Variants in COL16A1 observed in about 807,000 individuals in gnomAD.
COL16A1 encodes collagen type XVI alpha 1 chain.
COL16A1 carries 189 observed loss-of-function variants against 266.3 expected under a neutral mutation model. The observed-to-expected ratio is 0.71, with a 90% CI of 0.63 to 0.80. COL16A1 has a LOEUF of 0.80. COL16A1 is among the 30% of genes least tolerant of loss of function. COL16A1 has a pLI of 0.00. For synonymous variants in COL16A1, 740 were observed against 782.3 expected, an observed-to-expected ratio of 0.95 and a Z score of 0.90; for missense variants, 1,928 against 2,122.4, an observed-to-expected ratio of 0.91 and a Z score of 1.80.
At chr1:31,661,836 A>G in intron 58 of COL16A1, 132 bp from the exon 59 acceptor site, 5 of 983,946 alleles carry the variant, frequency 5.1e-6, no homozygotes, top group Non-Finnish European at 5.9e-6. Flanking sequence ...AGCCTGGCTC[A>G]GCCTCTGACT....
In COL16A1 at chr1:31,665,227, G is replaced by A. The variant is rs771347253; in HGVS notation, c.3500C>T (p.Pro1167Leu). Residue 1167 changes from proline (P) to leucine (L), a missense_variant, in exon 56 of 71, where the codon CCT becomes CTT. This residue lies in a region of COL16A1 where 1,552 missense variants were observed against 1,637.2 expected (regional missense o/e 0.95). Coordinates refer to ENST00000373672, the MANE Select transcript of COL16A1 (RefSeq NM_001856.4). Reference protein sequence around the residue: ...QPGFPGPPGPPGFPGKVGSPG... With the variant: ...QPGFPGPPGPLGFPGKVGSPG... ...TGATCCAACTTTGCCTGGGAATCCA[G>A]GGGGACCCTGTATCAACAAAGGGGC... The A allele has an allele frequency of 6.3e-7, 1 of 1,595,376 alleles. No homozygotes were observed. The highest frequency in any genetic ancestry group is 8.5e-7 in the Non-Finnish European group (1 of 1,175,202).
Position 31,657,066 on chromosome 1 carries a change from G to T in COL16A1, c.4023C>A (p.Gly1341=). ...PGPPGHPGPP[G]EPGTDGAAGK... ...CAGCTGCACCATCCGTACCAGGTTCGCCCTGGGGAGTAGAGAGCAATGGAG... is the reference window on the plus strand; with the variant it reads ...CAGCTGCACCATCCGTACCAGGTTCTCCCTGGGGAGTAGAGAGCAATGGAG... The change falls in exon 65 of 71, where the codon GGC becomes GGA. Residue 1341 remains glycine, a splice_region_variant and synonymous_variant. Transcript: ENST00000373672. The surrounding 1 kb of genome is among the most constrained non-coding windows in gnomAD (Gnocchi z 6.4). 1 of 1,614,066 alleles carries T rather than the reference G, an allele frequency of 6.2e-7. No individual in the cohort carries two copies. Among genetic ancestry groups the T allele is most frequent in the South Asian group, 1.1e-5 (1 of 91,080 alleles).
intron 37 of COL16A1, among the ~76,000 whole-genome samples, chr1:31,682,178 C>G (rs568839789): frequency 6.6e-6 from 1 of 152,302 alleles, no homozygotes; most frequent in South Asian, 2.1e-4. Flanking sequence ...AAGCTGACGA[C>G]TATACAGGTC....
chr1:31,660,487 T>G lies in COL16A1; in HGVS notation c.3879+98A>C, dbSNP rs1300495435. 4 of 1,521,310 alleles carry G rather than the reference T, an allele frequency of 2.6e-6. No individual in the cohort carries two copies. The African/African-American group carries it at 4.1e-5, about 16-fold the overall frequency. 94.2% of individuals were successfully genotyped at this position (1,521,310 alleles called of 1,614,324 possible). On this transcript the variant is annotated intron_variant, in intron 62 of 70. Transcript: ENST00000373672. ...GCTCCCACGGCTGGGGCAGCCCCTATGGCAAGTTCTCTCAGGTCATGACAG... is the reference window on the plus strand; with the variant it reads ...GCTCCCACGGCTGGGGCAGCCCCTAGGGCAAGTTCTCTCAGGTCATGACAG...
chr1:31,690,598 G>T (rs201137995), intron 20 of COL16A1, 25 bp from the exon 21 acceptor site: 1 of 1,612,276 alleles, frequency 6.2e-7, no homozygotes, highest in Non-Finnish European at 8.5e-7. Context: ...AAGGATAAGC[G>T]GGGAGCCTTC....
At chr1:31,678,845 G>A (rs1643391823) in intron 42 of COL16A1, among the ~76,000 whole-genome samples, 1 of 152,188 alleles carries the variant, frequency 6.6e-6, no homozygotes, top group African/African-American at 2.4e-5. Flanking sequence ...CGGGATTCAA[G>A]TTCAGGCTGC....
In COL16A1 at chr1:31,698,209, A is replaced by C. The variant is rs1480216951; in HGVS notation, c.391-37T>G. 1 of 1,608,532 alleles carries C rather than the reference A, an allele frequency of 6.2e-7. No homozygotes were observed. Among genetic ancestry groups the C allele is most frequent in the African/African-American group, 1.3e-5 (1 of 74,818 alleles). On this transcript the variant is annotated intron_variant, in intron 5 of 70. Transcript: ENST00000373672. This position sits in a 1 kb window ranked among gnomAD's most constrained non-coding sequence, Gnocchi z 4.1. The stretch of plus-strand genomic sequence containing the variant: ...TTGGAAAGGGAAAGGACAGAGATTC[A>C]GAGCTCCAGAGTCACACCATGGGCA...
In COL16A1 at chr1:31,697,210, G is replaced by C. The variant is rs1467567579; in HGVS notation, c.738+10C>G. The C allele has an allele frequency of 2.5e-6, 4 of 1,613,146 alleles. No homozygotes were observed. Among genetic ancestry groups the C allele is most frequent in the African/African-American group, 2.7e-5 (2 of 74,870 alleles). On this transcript the variant is annotated intron_variant, in intron 7 of 70. Coordinates refer to ENST00000373672, the MANE Select transcript of COL16A1 (RefSeq NM_001856.4). The surrounding 1 kb of genome is among the most constrained non-coding windows in gnomAD (Gnocchi z 4.2). ...GTGTCCCTGGGCAGCCCAAGGGCCGGGCCACTCACCCCTGCTGGTAAAATC... is the reference window on the plus strand; with the variant it reads ...GTGTCCCTGGGCAGCCCAAGGGCCGCGCCACTCACCCCTGCTGGTAAAATC...
At chr1:31,665,695 G>GGC (rs1557624502) in intron 54 of COL16A1, 77 bp from the exon 55 acceptor site, 1 of 1,576,880 alleles carries the variant, frequency 6.3e-7, no homozygotes, top group African/African-American at 1.4e-5. Flanking sequence ...AAAGAGTGAC[G>GGC]GGGGGGGCAC....
chr1:31,661,524 T>C, intron 59 of COL16A1, 66 bp from the exon 60 acceptor site: 1 of 1,613,402 alleles, frequency 6.2e-7, no homozygotes, highest in Admixed American at 1.7e-5. Context: ...CCACTCCTCC[T>C]TCCTCAGTTC....
rs1294990910 is a variant in COL16A1 at position 31,697,702 on chromosome 1, G to A, written c.657+204C>T. Among the ~76,000 whole-genome samples the A allele has an allele frequency of 6.6e-6, 1 of 152,232 alleles. No individual in the cohort carries two copies. Among genetic ancestry groups the A allele is most frequent in the Non-Finnish European group, 1.5e-5 (1 of 68,044 alleles). On this transcript the variant is annotated intron_variant, in intron 6 of 70. Transcript: ENST00000373672. This position sits in a 1 kb window ranked among gnomAD's most constrained non-coding sequence, Gnocchi z 4.2. ...AGCTGCACGGAGAGATGTAAAGGAA[G>A]ATGGTGCTGCAGACACTTATAAGGA...
chr1:31,690,954 T>C (rs138738334), intron 20 of COL16A1, among the ~76,000 whole-genome samples: 1 of 152,160 alleles, frequency 6.6e-6, no homozygotes, highest in Admixed American at 6.5e-5. Flanking sequence ...GGTCTGCCCA[T>C]CCCTATACCT....
chr1:31,693,018 G>A (rs1418170130), intron 13 of COL16A1, 74 bp downstream of exon 13: 24 of 1,086,252 alleles, frequency 2.2e-5, no homozygotes, highest in Non-Finnish European at 3.1e-5. Flanking sequence ...ATGATGGGAT[G>A]ATGGCTCACA....
chr1:31,696,229 G>A, intron 8 of COL16A1, 88 bp from the exon 9 acceptor site: 1 of 1,199,670 alleles, frequency 8.3e-7, no homozygotes, highest in Non-Finnish European at 1.2e-6. Context: ...GGGGGCATGG[G>A]CCCCAGGTAA....
At chr1:31,676,370 A>C (rs1643188008) in intron 42 of COL16A1, among the ~76,000 whole-genome samples, 1 of 151,928 alleles carries the variant, frequency 6.6e-6, no homozygotes, top group African/African-American at 2.4e-5. Context: ...TAACTTGCCA[A>C]AGGTCACAAG....
chr1:31,696,034 G>A, intron 9 of COL16A1, 54 bp downstream of exon 9: 5 of 1,488,720 alleles, frequency 3.4e-6, no homozygotes, highest in Non-Finnish European at 4.7e-6. Context: ...GTTTACAGGG[G>A]CACAGAGGGC....
At position 31,684,198 on chromosome 1, in the gene COL16A1, C is replaced by CCT; in HGVS notation, c.2192_2193dup (p.Gly732ArgfsTer4). The CCT allele has an allele frequency of 1.3e-6, 2 of 1,530,346 alleles. No individual in the cohort carries two copies. The highest frequency in any genetic ancestry group is 2.5e-5 in the South Asian group (2 of 80,720). 94.8% of individuals were successfully genotyped at this position (1,530,346 alleles called of 1,614,324 possible). Reference sequence around the variant, plus strand: ...CGTCCTGCCATGTCTGTCACTGTCCCCTGCAGGCTGGGGCAGGCAGTGCAG... The same window carrying CCT: ...CGTCCTGCCATGTCTGTCACTGTCCCCTCTGCAGGCTGGGGCAGGCAGTGCAG... On this transcript the variant is annotated frameshift_variant, in exon 32 of 71. Transcript: ENST00000373672. LOFTEE classifies it high-confidence loss of function.
rs1255407663 is a variant in COL16A1, at chr1:31,684,591, T to C, written c.2092A>G (p.Thr698Ala). The C allele has an allele frequency of 6.2e-7, 1 of 1,613,850 alleles. No homozygotes were observed. Among genetic ancestry groups the C allele is most frequent in the Non-Finnish European group, 8.5e-7 (1 of 1,179,972 alleles). ...CCTGACAGTCCTGGCCGCCCTGTGG[T>C]GCCCGGCGTTCCAGGGTCTCCAGGA... ...GNPGDPGTPGTTGRPGLSGEP... is the reference protein window; with the variant it reads ...GNPGDPGTPGATGRPGLSGEP... The change falls in exon 31 of 71, where the codon ACC (threonine) becomes GCC (alanine). Residue 698 changes from threonine (T) to alanine (A), a missense_variant. Around this residue, in one of 2 missense-constraint regions of COL16A1, gnomAD observed 1,552 missense variants for 1,637.2 expected, o/e 0.95. Coordinates refer to ENST00000373672, the MANE Select transcript of COL16A1 (RefSeq NM_001856.4).
chr1:31,692,326 T>TG, intron 16 of COL16A1, 148 bp downstream of exon 16: 1 of 1,064,884 alleles, frequency 9.4e-7, no homozygotes, highest in Non-Finnish European at 1.2e-6. Flanking sequence ...GCAGGGTGAC[T>TG]GGGGTGGGGG....
Sources: gnomAD v4.1 joint callset for allele counts (sites outside exome capture counted in the v4.1 genomes callset) on GRCh38, gnomAD v4.1.1 for gene constraint, gnomAD v4.1.1 regional missense constraint, Gnocchi (gnomAD v3.1) non-coding constraint, MANE v1.5 for transcripts, NCBI Gene and HGNC (gene_info 2026-07-23, HGNC 2026-07-21) for gene names.